Variants in TESK2 observed in about 807,000 individuals in gnomAD.
The protein encoded by TESK2 is testis associated actin remodelling kinase 2, also known as dual specificity testis-specific protein kinase 2.
In TESK2, 39 loss-of-function variants were observed where a neutral mutation model predicts 57.1. The ratio of observed to expected loss-of-function variants is 0.68; its 90% CI spans 0.53 to 0.89. The LOEUF (loss-of-function observed/expected upper bound fraction) is 0.89. Ranked by LOEUF, TESK2 falls within the 40% of genes least tolerant of loss-of-function variation. TESK2 has a pLI of 0.00. For synonymous variants in TESK2, 249 were observed against 267.9 expected (o/e 0.93, Z 0.69); for missense variants, 646 against 732.1 (o/e 0.88, Z 1.36).
chr1:45,434,959 C>CTTTTTTTTTTTTTTTT (rs60515365), intron 2 of TESK2, among the ~76,000 whole-genome samples: 1 of 140,450 alleles, frequency 7.1e-6, no homozygotes, highest in Non-Finnish European at 1.5e-5. Context: ...ACTTTTCTTT[C>CTTTTTTTTTTTTTTTT]TTTTTTTTTT....
At chr1:45,457,283 T>C (rs531144627) in intron 2 of TESK2, among the ~76,000 whole-genome samples, 4 of 147,136 alleles carry the variant, frequency 2.7e-5, no homozygotes, top group Admixed American at 7.0e-5. Context: ...TACTGGAGAA[T>C]GTATGTGTGG....
intron 1 of TESK2, among the ~76,000 whole-genome samples, chr1:45,480,633 T>C (rs138432547): frequency 2.0e-5 from 3 of 151,680 alleles, no homozygotes; most frequent in African/African-American, 7.2e-5. Context: ...GATACATCCA[T>C]TCAATGGAAT....
rs185070253 is a variant in TESK2 at position 45,414,693 on chromosome 1, T to C, written c.344+7032A>G. Among the ~76,000 whole-genome samples the C allele has an allele frequency of 2.6e-5, 4 of 152,324 alleles. No homozygotes were observed. The East Asian group carries it at 7.7e-4, about 29-fold the overall frequency. On this transcript the variant is annotated intron_variant, in intron 3 of 10. Transcript: ENST00000372086. Reference sequence around the variant, plus strand: ...CCGTAGCAAAGCAAAGGCAAAGATGTAGGTAGCCCAGCATTATCAAATACA... The same window carrying C: ...CCGTAGCAAAGCAAAGGCAAAGATGCAGGTAGCCCAGCATTATCAAATACA...
intron 2 of TESK2, among the ~76,000 whole-genome samples, chr1:45,425,736 T>C (rs1650664012): frequency 6.6e-6 from 1 of 152,118 alleles, no homozygotes; most frequent in African/African-American, 2.4e-5. Context: ...TGGAAAGATA[T>C]TCCATGTTCA....
chr1:45,412,886 G>A (rs574252747), intron 3 of TESK2, among the ~76,000 whole-genome samples: 69 of 152,224 alleles, frequency 4.5e-4, no homozygotes, highest in African/African-American at 7.9e-4. Flanking sequence ...CAAGTGTGGC[G>A]GCATACGCCT....
At chr1:45,348,061 G>A in intron 5 of TESK2, 61 bp from the exon 6 acceptor site, 4 of 1,139,300 alleles carry the variant, frequency 3.5e-6, no homozygotes, top group Middle Eastern at 1.9e-4. Flanking sequence ...CAGCCATAGA[G>A]TTACCACCCA....
chr1:45,449,718 T>A (rs1011766053), intron 2 of TESK2, among the ~76,000 whole-genome samples: 8 of 152,200 alleles, frequency 5.3e-5, no homozygotes, highest in South Asian at 2.1e-4. Flanking sequence ...TTTTAAGACA[T>A]CTCAATTTCA....
At chr1:45,374,577 A>AT (rs1165650306) in intron 4 of TESK2, among the ~76,000 whole-genome samples, 3 of 152,128 alleles carry the variant, frequency 2.0e-5, no homozygotes, top group Non-Finnish European at 2.9e-5. Context: ...TCACTGAATG[A>AT]TTTTTTTATT....
chr1:45,485,836 A>T (rs559184983), intron 1 of TESK2, among the ~76,000 whole-genome samples: 78 of 152,276 alleles, frequency 5.1e-4, no homozygotes, highest in Non-Finnish European at 9.6e-4. Context: ...TTTATATATT[A>T]AAAAAGTTTA....
intron 3 of TESK2, among the ~76,000 whole-genome samples, chr1:45,403,601 T>A (rs966727048): frequency 6.6e-6 from 1 of 152,148 alleles, no homozygotes. Context: ...AGCAATCAGA[T>A]CATGTCAATA....
chr1:45,348,531 C>G (rs1647182953), intron 5 of TESK2, among the ~76,000 whole-genome samples: 1 of 152,198 alleles, frequency 6.6e-6, no homozygotes, highest in African/African-American at 2.4e-5. Context: ...CTGGCTTTAT[C>G]CAACTGGCCT....
rs574704414 is a variant in TESK2 at position 45,357,069 on chromosome 1, G to A, written c.394-1620C>T. ...AAATTAGCTGAGCATGGTAGCAGGC[G>A]TCTGTAATCCCAGCTACTCAAGAGG... On this transcript the variant is annotated intron_variant, in intron 4 of 10. Coordinates refer to ENST00000372086, the MANE Select transcript of TESK2 (RefSeq NM_007170.3). Among the ~76,000 whole-genome samples the A allele has an allele frequency of 4.6e-5, 7 of 151,994 alleles. No homozygotes were observed. The South Asian group carries it at 6.2e-4, about 13-fold the overall frequency.
At chr1:45,382,388 G>A (rs551290887) in intron 4 of TESK2, among the ~76,000 whole-genome samples, 33 of 152,198 alleles carry the variant, frequency 2.2e-4, no homozygotes, top group Non-Finnish European at 4.6e-4. Context: ...ACAGGTGCAT[G>A]CTACCACACC....
intron 2 of TESK2, among the ~76,000 whole-genome samples, chr1:45,450,831 G>C (rs1375136600): frequency 6.6e-6 from 1 of 151,672 alleles, no homozygotes; most frequent in East Asian, 1.9e-4. Flanking sequence ...CAACGTGCAG[G>C]TTTGTTACAT....
intron 1 of TESK2, among the ~76,000 whole-genome samples, chr1:45,487,015 G>A (rs1197460017): frequency 3.3e-5 from 5 of 151,302 alleles, no homozygotes. Context: ...TTTCAGTAGA[G>A]ACAGGGTTTC....
chr1:45,403,521 T>C (rs1410010865), intron 3 of TESK2, among the ~76,000 whole-genome samples: 1 of 152,208 alleles, frequency 6.6e-6, no homozygotes, highest in Non-Finnish European at 1.5e-5. Context: ...TCAGTCTCGC[T>C]TTCTCCTTTT....
chr1:45,408,185 A>T (rs1353644808), intron 3 of TESK2, among the ~76,000 whole-genome samples: 1 of 152,152 alleles, frequency 6.6e-6, no homozygotes, highest in Admixed American at 6.6e-5. Flanking sequence ...GGCTCATGAG[A>T]GGCAAATTTT....
At position 45,372,110 on chromosome 1, in the gene TESK2, T is replaced by C. The variant is rs1261744026; in HGVS notation, c.393+13802A>G. 4.0e-5 allele frequency among the ~76,000 whole-genome samples: 6 copies of C among 151,894 alleles called. 1 individual carries two copies. The highest frequency in any genetic ancestry group is 2.0e-4 in the Admixed American group (3 of 15,256). ...CAAAAAATAAAAAATTAGCCAGATG[T>C]GGTGGCACACGCCTGTAGTATCAGC... On this transcript the variant is annotated intron_variant, in intron 4 of 10. Transcript: ENST00000372086.
At chr1:45,449,221 CA>C (rs568238822) in intron 2 of TESK2, among the ~76,000 whole-genome samples, 89 of 56,816 alleles carry the variant, frequency 1.6e-3, no homozygotes, top group Admixed American at 2.2e-3. Flanking sequence ...GACTCTGTCT[CA>C]AAAAAAAAAA....
Sources: gnomAD v4.1 joint callset for allele counts (sites outside exome capture counted in the v4.1 genomes callset) on GRCh38, gnomAD v4.1.1 for gene constraint, MANE v1.5 for transcripts, NCBI Gene and HGNC (gene_info 2026-07-23, HGNC 2026-07-21) for gene names.